The following HS2ST1 variants were observed in gnomAD, a reference collection of about 807,000 sequenced individuals.
HS2ST1 encodes heparan sulfate 2-O-sulfotransferase 1, also known as 2-O-sulfotransferase.
A neutral mutation model predicts 42.9 loss-of-function variants in HS2ST1; 18 were observed. That is an observed-to-expected ratio of 0.42 (90% CI 0.29 to 0.62). HS2ST1 has a LOEUF of 0.62. HS2ST1 is among the 20% of genes least tolerant of loss of function. The probability of loss-of-function intolerance (pLI) is 0.21; values close to 1 mark genes in which losing one functional copy is unlikely to be tolerated. For synonymous variants in HS2ST1, 146 were observed against 152.9 expected, an observed-to-expected ratio of 0.95 and a Z score of 0.33; for missense variants, 334 against 433.8, an observed-to-expected ratio of 0.77 and a Z score of 2.04.
chr1:87,025,743 C>T (rs1176052853), intron 1 of HS2ST1, among the ~76,000 whole-genome samples: 1 of 152,204 alleles, frequency 6.6e-6, no homozygotes, highest in East Asian at 1.9e-4. Context: ...CCACAACCCC[C>T]AACTCTTGCT....
chr1:87,090,652 A>G (rs1651916917), intron 3 of HS2ST1, among the ~76,000 whole-genome samples: 1 of 151,958 alleles, frequency 6.6e-6, no homozygotes, highest in Admixed American at 6.6e-5. Context: ...GAGTTGTGTC[A>G]TGGTAATTCT....
intron 1 of HS2ST1, among the ~76,000 whole-genome samples, chr1:86,990,845 T>A (rs868027964): frequency 0.044 from 3,359 of 77,088 alleles, 99 homozygotes; most frequent in African/African-American, 0.076. Context: ...TATTTTTTTT[T>A]TTTTTTTTTT....
intron 3 of HS2ST1, among the ~76,000 whole-genome samples, chr1:87,089,361 T>A (rs1651886473): frequency 6.6e-6 from 1 of 152,088 alleles, no homozygotes; most frequent in South Asian, 2.1e-4. Context: ...TCCTACCAAA[T>A]ATGCTCTTCT....
chr1:87,044,005 C>T (rs1650581948), intron 1 of HS2ST1, among the ~76,000 whole-genome samples: 3 of 152,040 alleles, frequency 2.0e-5, no homozygotes, highest in South Asian at 4.1e-4. Context: ...ATGTTAGGCT[C>T]ACAACAAATC....
intron 1 of HS2ST1, among the ~76,000 whole-genome samples, chr1:87,019,946 CTG>C (rs1649867325): frequency 6.6e-6 from 1 of 152,190 alleles, no homozygotes; most frequent in Non-Finnish European, 1.5e-5. Flanking sequence ...TTGCTCAAAT[CTG>C]TACTAATAAT....
At chr1:87,015,477 G>A (rs1649727215) in intron 1 of HS2ST1, among the ~76,000 whole-genome samples, 1 of 151,384 alleles carries the variant, frequency 6.6e-6, no homozygotes, top group African/African-American at 2.4e-5. Context: ...CCTCCTAGTA[G>A]CTGGGACTAC....
chr1:87,045,964 A>C, intron 1 of HS2ST1: 1 of 720,910 alleles, frequency 1.4e-6, no homozygotes, highest in Non-Finnish European at 2.5e-6. Context: ...CAACCTCAAC[A>C]GTTTTTGTTT....
intron 3 of HS2ST1, among the ~76,000 whole-genome samples, chr1:87,089,052 C>A (rs1274733746): frequency 6.6e-6 from 1 of 152,006 alleles, no homozygotes; most frequent in East Asian, 1.9e-4. Context: ...GGCCATTCAG[C>A]CCTCTTTCAG....
rs566223948 is a variant in HS2ST1 at position 87,106,260 on chromosome 1, A to T, written c.*1564A>T. 2 of 152,544 alleles carry T rather than the reference A, an allele frequency of 1.3e-5. No homozygotes were observed. The highest frequency in any genetic ancestry group is 6.6e-5 in the Admixed American group (1 of 15,252). The allele number at this position is 152,544 out of a possible 1,614,324, so 9.4% of individuals were successfully genotyped here. A position where few individuals can be genotyped will look rare whatever the true frequency, so the allele number is the denominator to read the frequency against. On this transcript the variant is annotated 3_prime_UTR_variant, in exon 7 of 7. Transcript: ENST00000370550. Reference sequence around the variant, plus strand: ...TTTTATCTTCCATGTTTCAACAACTATTGAAATATGAAATGCCTGTGAACT... The same window carrying T: ...TTTTATCTTCCATGTTTCAACAACTTTTGAAATATGAAATGCCTGTGAACT...
At chr1:86,916,540 G>C (rs1660162015) in intron 1 of HS2ST1, among the ~76,000 whole-genome samples, 1 of 152,174 alleles carries the variant, frequency 6.6e-6, no homozygotes, top group Non-Finnish European at 1.5e-5. Flanking sequence ...ACTAAAGTTG[G>C]AGGAAAACTA....
chr1:86,964,448 C>A (rs1053929995), intron 1 of HS2ST1, among the ~76,000 whole-genome samples: 8 of 152,190 alleles, frequency 5.3e-5, no homozygotes, highest in Non-Finnish European at 7.3e-5. Flanking sequence ...CCAGCCCGGC[C>A]AACACAGCGA....
chr1:87,021,577 C>A (rs964932538), intron 1 of HS2ST1, among the ~76,000 whole-genome samples: 11 of 152,162 alleles, frequency 7.2e-5, no homozygotes, highest in Non-Finnish European at 1.3e-4. Flanking sequence ...TACAATGGCA[C>A]AATCACTACT....
intron 1 of HS2ST1, among the ~76,000 whole-genome samples, chr1:86,991,708 C>T (rs1227561081): frequency 6.6e-6 from 1 of 152,118 alleles, no homozygotes; most frequent in Non-Finnish European, 1.5e-5. Flanking sequence ...CTTTCCAAGG[C>T]TCTGTTTTCT....
chr1:86,990,217 A>C (rs899080552), intron 1 of HS2ST1, among the ~76,000 whole-genome samples: 10 of 152,136 alleles, frequency 6.6e-5, no homozygotes, highest in Admixed American at 2.0e-4. Flanking sequence ...CTTATTTTTA[A>C]ATGCAGTTCT....
rs1553135487 is a variant in HS2ST1, at chr1:86,990,812, T to TATATATATATATATA, written c.124+75652_124+75653insATATATATATATATA. Among the ~76,000 whole-genome samples the TATATATATATATATA allele has an allele frequency of 1.9e-3, 19 of 10,248 alleles. 3 individuals carry two copies. Among genetic ancestry groups the TATATATATATATATA allele is most frequent in the South Asian group, 6.0e-3 (1 of 166 alleles). The allele number at this position is 10,248 out of a possible 152,430, so 6.7% of individuals were successfully genotyped here. A position where few individuals can be genotyped will look rare whatever the true frequency, so the allele number is the denominator to read the frequency against. Reference sequence around the variant, plus strand: ...CATATGCCACCATGCCTGGCTAATTTTATATATATATATATATATATATAT... The same window carrying TATATATATATATATA: ...CATATGCCACCATGCCTGGCTAATTTATATATATATATATATATATATATATATATATATATATAT... On this transcript the variant is annotated intron_variant, in intron 1 of 6. Transcript: ENST00000370550.
intron 1 of HS2ST1, among the ~76,000 whole-genome samples, chr1:87,028,167 C>T (rs114276945): frequency 0.024 from 3,725 of 152,288 alleles, 47 homozygotes; most frequent in South Asian, 0.053. Context: ...GACAATTTCA[C>T]GTACACTACT....
At chr1:87,042,972 A>G (rs1341142337) in intron 1 of HS2ST1, among the ~76,000 whole-genome samples, 1 of 152,100 alleles carries the variant, frequency 6.6e-6, no homozygotes, top group Non-Finnish European at 1.5e-5. Flanking sequence ...TAATCATGGT[A>G]GCCATTTAAA....
At chr1:86,997,534 T>C (rs1649143634) in intron 1 of HS2ST1, among the ~76,000 whole-genome samples, 1 of 152,184 alleles carries the variant, frequency 6.6e-6, no homozygotes, top group Non-Finnish European at 1.5e-5. Flanking sequence ...AATACAGTAA[T>C]AGGCTAAGTT....
chr1:87,054,172 A>G (rs1650902547), intron 1 of HS2ST1, among the ~76,000 whole-genome samples: 1 of 151,930 alleles, frequency 6.6e-6, no homozygotes, highest in Non-Finnish European at 1.5e-5. Context: ...TTAATAGCCT[A>G]TTTTTCATTA....
Sources: gnomAD v4.1 joint callset for allele counts (sites outside exome capture counted in the v4.1 genomes callset) on GRCh38, gnomAD v4.1.1 for gene constraint, MANE v1.5 for transcripts, NCBI Gene and HGNC (gene_info 2026-07-23, HGNC 2026-07-21) for gene names.